The following PPP2R2C variants were observed in gnomAD, a reference collection of about 807,000 sequenced individuals.
PPP2R2C encodes the protein protein phosphatase 2, regulatory subunit B, gamma.
In PPP2R2C, 10 loss-of-function variants were observed where a neutral mutation model predicts 45.3. That is an observed-to-expected ratio of 0.22 (90% CI 0.14 to 0.37). PPP2R2C has a LOEUF of 0.37. Among genes scored for constraint, PPP2R2C ranks in the 10% least tolerant of loss-of-function variants. The pLI, the probability that PPP2R2C is intolerant of heterozygous loss-of-function variation, is 1.00. For missense variants in PPP2R2C, 308 were observed against 619.7 expected (o/e 0.50, Z 5.34); for synonymous variants, 257 against 245.4 (o/e 1.05, Z -0.44).
chr4:6,346,853 C>A (rs1009344912), intron 6 of PPP2R2C, among the ~76,000 whole-genome samples: 6 of 152,328 alleles, frequency 3.9e-5, no homozygotes, highest in Non-Finnish European at 8.8e-5. Flanking sequence ...CAGTCAGGGT[C>A]CTCTGGGGTT....
intron 3 of PPP2R2C, among the ~76,000 whole-genome samples, chr4:6,377,430 C>T (rs972226669): frequency 5.3e-5 from 8 of 151,834 alleles, no homozygotes; most frequent in African/African-American, 1.7e-4. Context: ...CTGAGGCAGG[C>T]GGATCACCCG....
intron 1 of PPP2R2C, among the ~76,000 whole-genome samples, chr4:6,455,988 T>A: frequency 6.9e-6 from 1 of 145,902 alleles, no homozygotes; most frequent in South Asian, 2.2e-4. Flanking sequence ...CCAGAAATCC[T>A]GGGGGGGGGG....
At chr4:6,404,002 C>A (rs1225056894) in intron 1 of PPP2R2C, among the ~76,000 whole-genome samples, 1 of 152,184 alleles carries the variant, frequency 6.6e-6, no homozygotes, top group Non-Finnish European at 1.5e-5. Context: ...AACCTGCCAC[C>A]ACCTAGCTGT....
intron 5 of PPP2R2C, among the ~76,000 whole-genome samples, chr4:6,363,850 G>C (rs1714035947): frequency 6.6e-6 from 1 of 152,218 alleles, no homozygotes; most frequent in Middle Eastern, 3.2e-3. Context: ...CTGGTGTCCA[G>C]GAAGGTGAAG....
At chr4:6,542,757 G>A (rs1459336368) in intron 1 of PPP2R2C, among the ~76,000 whole-genome samples, 3 of 150,242 alleles carry the variant, frequency 2.0e-5, no homozygotes, top group Admixed American at 6.6e-5. Flanking sequence ...TGAAAACTTA[G>A]AAGAAACAGA....
At chr4:6,377,131 G>A (rs538151170) in intron 3 of PPP2R2C, among the ~76,000 whole-genome samples, 13 of 152,354 alleles carry the variant, frequency 8.5e-5, no homozygotes, top group Middle Eastern at 3.4e-3. Context: ...CAGAAGCTGC[G>A]CCTAGCCATG....
At chr4:6,555,334 A>C (rs888194458) in intron 1 of PPP2R2C, among the ~76,000 whole-genome samples, 1 of 152,200 alleles carries the variant, frequency 6.6e-6, no homozygotes, top group African/African-American at 2.4e-5. Context: ...TGCCCTGTGC[A>C]ATCATTCATA....
intron 1 of PPP2R2C, among the ~76,000 whole-genome samples, chr4:6,389,483 A>G (rs1716451159): frequency 6.6e-6 from 1 of 152,160 alleles, no homozygotes; most frequent in African/African-American, 2.4e-5. Context: ...TGGGCGAGGA[A>G]GGAGGGGTCC....
chr4:6,397,760 T>G (rs1717141171), intron 1 of PPP2R2C, among the ~76,000 whole-genome samples: 1 of 152,230 alleles, frequency 6.6e-6, no homozygotes, highest in Non-Finnish European at 1.5e-5. Context: ...GGGCTTAATA[T>G]TCACACCTGC....
At chr4:6,393,258 C>A (rs1049506699) in intron 1 of PPP2R2C, among the ~76,000 whole-genome samples, 3 of 152,136 alleles carry the variant, frequency 2.0e-5, no homozygotes, top group African/African-American at 7.2e-5. Flanking sequence ...CTCTCCCCAG[C>A]CCCCGGAAAT....
chr4:6,355,300 T>G (rs1036813178), intron 5 of PPP2R2C, among the ~76,000 whole-genome samples: 2 of 152,062 alleles, frequency 1.3e-5, no homozygotes, highest in Non-Finnish European at 2.9e-5. Flanking sequence ...CTGTTAAAGT[T>G]GAGATAAGAG....
chr4:6,419,796 T>G (rs1017489053), intron 1 of PPP2R2C, among the ~76,000 whole-genome samples: 2 of 152,154 alleles, frequency 1.3e-5, no homozygotes, highest in Non-Finnish European at 2.9e-5. Context: ...CCTGACTCCC[T>G]CCTGGCTTCT....
intron 6 of PPP2R2C, among the ~76,000 whole-genome samples, chr4:6,334,961 C>A (rs1458444051): frequency 6.6e-6 from 1 of 152,208 alleles, no homozygotes; most frequent in African/African-American, 2.4e-5. Flanking sequence ...GGCAGCACCC[C>A]ATTCTCCCTC....
chr4:6,391,352 G>C (rs1268674437), intron 1 of PPP2R2C, among the ~76,000 whole-genome samples: 1 of 150,668 alleles, frequency 6.6e-6, no homozygotes, highest in Non-Finnish European at 1.5e-5. Flanking sequence ...GAGGGAGGAG[G>C]CTGGGACGAG....
intron 2 of PPP2R2C, among the ~76,000 whole-genome samples, chr4:6,502,412 T>C (rs1232552106): frequency 3.3e-5 from 5 of 152,138 alleles, no homozygotes; most frequent in African/African-American, 1.2e-4. Flanking sequence ...GTCTGAAGGA[T>C]GGTGACTGTG....
intron 1 of PPP2R2C, among the ~76,000 whole-genome samples, chr4:6,423,021 T>C (rs989078960): frequency 5.9e-5 from 9 of 152,140 alleles, no homozygotes; most frequent in African/African-American, 2.2e-4. Context: ...TGTCATCGCA[T>C]CCCAGGGCCA....
intron 1 of PPP2R2C, among the ~76,000 whole-genome samples, chr4:6,454,481 C>G (rs1363051171): frequency 6.6e-6 from 1 of 152,124 alleles, no homozygotes; most frequent in Non-Finnish European, 1.5e-5. Context: ...AGACTGCACG[C>G]TGGAGAGGGG....
chr4:6,441,921 C>T (rs1005090526), intron 1 of PPP2R2C, among the ~76,000 whole-genome samples: 1 of 152,256 alleles, frequency 6.6e-6, no homozygotes, highest in Non-Finnish European at 1.5e-5. Context: ...CTGTTCACCA[C>T]CGGCCATTCC....
intron 1 of PPP2R2C, among the ~76,000 whole-genome samples, chr4:6,416,190 C>T (rs1042946453): frequency 1.3e-5 from 1 of 79,514 alleles, no homozygotes; most frequent in Non-Finnish European, 2.8e-5. Flanking sequence ...CCTTCCATAA[C>T]AAGGATATGA....
Sources: allele counts gnomAD v4.1 joint callset (sites outside exome capture counted in the v4.1 genomes callset), GRCh38; gene constraint gnomAD v4.1.1; transcripts MANE v1.5; gene names NCBI Gene and HGNC (gene_info 2026-07-23, HGNC 2026-07-21).